Variants in CDK11A observed in about 807,000 individuals in gnomAD.
The protein encoded by CDK11A is cyclin-dependent kinase 11A.
CDK11A carries 55 observed loss-of-function variants against 83.6 expected under a neutral mutation model. The observed-to-expected ratio is 0.66, with a 90% CI of 0.53 to 0.82. CDK11A has a LOEUF of 0.82. Ranked by LOEUF, CDK11A falls within the 40% of genes least tolerant of loss-of-function variation. The pLI is 0.00. For missense variants in CDK11A, 564 were observed against 810.1 expected (o/e 0.70, Z 3.69); for synonymous variants, 247 against 302.7 (o/e 0.82, Z 1.91).
rs1341827705 is a variant in CDK11A at position 1,719,855 on chromosome 1, T to C, written c.228-400A>G. On this transcript the variant is annotated intron_variant, in intron 3 of 19. Transcript: ENST00000404249. ...TGGTCTCAATCTCCTAACCTGGTGA[T>C]CTGCCTGCCTCGGCTTCCCAAAGTG... Among the ~76,000 whole-genome samples the C allele has an allele frequency of 1.3e-5, 2 of 150,844 alleles. 1 individual carries two copies. Among genetic ancestry groups the C allele is most frequent in the Non-Finnish European group, 3.0e-5 (2 of 67,646 alleles).
At chr1:1,707,057 C>T (rs1319647887) in intron 11 of CDK11A, among the ~76,000 whole-genome samples, 1 of 143,224 alleles carries the variant, frequency 7.0e-6, no homozygotes, top group Non-Finnish European at 1.5e-5. Context: ...GCCTTGGTGC[C>T]TACATAACCC....
At chr1:1,720,007 G>A (rs1009989916) in intron 3 of CDK11A, among the ~76,000 whole-genome samples, 2 of 150,860 alleles carry the variant, frequency 1.3e-5, no homozygotes, top group Non-Finnish European at 3.0e-5. Context: ...AGGGGGTGAG[G>A]GGCAGGTTCA....
rs1644954168 is a variant in CDK11A, at chr1:1,722,724, A to C, written c.95T>G (p.Ile32Arg). ...RRKEQEEKAE[I>R]KRLKNSDDRD... The stretch of plus-strand genomic sequence containing the variant: ...ATGGCTTACATTTTTTAAGCGTTTT[A>C]TCTCTGCTTTCTCCTCTTGTTCCTT... The change falls in exon 2 of 20, where the codon ATA (isoleucine) becomes AGA (arginine). Residue 32 changes from isoleucine to arginine, a missense_variant. By Grantham distance (97) the Ile-to-Arg change is moderately conservative. This residue lies in a region of CDK11A where 28 missense variants were observed against 54.8 expected (regional missense o/e 0.51). Transcript: ENST00000404249. The C allele has an allele frequency of 1.9e-6, 3 of 1,544,056 alleles. No homozygotes were observed.
intron 4 of CDK11A, among the ~76,000 whole-genome samples, chr1:1,718,722 C>T (rs1477070709): frequency 6.0e-5 from 9 of 150,136 alleles, no homozygotes; most frequent in Non-Finnish European, 1.2e-4. Context: ...CTGCAAGCTC[C>T]GCCTCCCAGG....
At position 1,703,633 on chromosome 1, in the gene CDK11A, C is replaced by T; in HGVS notation, c.1912-9G>A. 2 of 1,592,592 alleles carry T rather than the reference C, an allele frequency of 1.3e-6. No individual in the cohort carries two copies. The highest frequency in any genetic ancestry group is 1.7e-6 in the Non-Finnish European group (2 of 1,170,680). The stretch of plus-strand genomic sequence containing the variant: ...CTGGGGGTCCCCAGCTCCTGAAAGA[C>T]AGAGGTGCTTCAACAGCCACACCAA... On this transcript the variant is annotated splice_polypyrimidine_tract_variant and intron_variant, in intron 17 of 19. Coordinates refer to ENST00000404249, the MANE Select transcript of CDK11A (RefSeq NM_024011.4).
chr1:1,712,000 G>A (rs1436186211), intron 6 of CDK11A, among the ~76,000 whole-genome samples: 1 of 120,748 alleles, frequency 8.3e-6, no homozygotes, highest in African/African-American at 2.8e-5. Context: ...CATGGTGGCG[G>A]GTGCCTGTAA....
chr1:1,721,789 A>G, intron 2 of CDK11A, 78 bp from the exon 3 acceptor site: 2 of 1,413,972 alleles, frequency 1.4e-6, no homozygotes, highest in Non-Finnish European at 1.9e-6. Flanking sequence ...TTTAATGATA[A>G]TCAAACCTGG....
chr1:1,702,817 G>C lies in CDK11A; in HGVS notation c.*90C>G, dbSNP rs1302231872. On this transcript the variant is annotated 3_prime_UTR_variant, in exon 20 of 20. Coordinates refer to ENST00000404249, the MANE Select transcript of CDK11A (RefSeq NM_024011.4). ...AAACATGGAGCACAAAGTAAGACGA[G>C]GAGTTCCGAGTCTCATCGCAGCTCC... is the stretch of plus-strand genomic sequence containing the variant. The C allele has an allele frequency of 8.6e-4, 342 of 396,452 alleles. 3 individuals carry two copies. The East Asian group carries it at 0.013, about 15-fold the overall frequency. 24.6% of individuals were successfully genotyped at this position (396,452 alleles called of 1,614,324 possible). A position where few individuals can be genotyped will look rare whatever the true frequency, so the allele number is the denominator to read the frequency against.
Position 1,708,207 on chromosome 1 carries a change from G to T in CDK11A, c.1042C>A (p.Arg348=). 2 of 1,558,372 alleles carry T rather than the reference G, an allele frequency of 1.3e-6. No homozygotes were observed. The highest frequency in any genetic ancestry group is 1.1e-5 in the South Asian group (1 of 87,392). ...SEEEMSEDEE[R]ENENHLLVVP... is the part of the protein sequence containing the mutation. Reference sequence around the variant, plus strand: ...ACCAAGAGGTGGTTTTCATTTTCTCGTTCTTCATCTTCACTCATTTCTTCC... The same window carrying T: ...ACCAAGAGGTGGTTTTCATTTTCTCTTTCTTCATCTTCACTCATTTCTTCC... Residue 348 remains arginine (R), a synonymous_variant, in exon 10 of 20, where the codon CGA becomes AGA. Coordinates refer to ENST00000404249, the MANE Select transcript of CDK11A (RefSeq NM_024011.4).
intron 4 of CDK11A, 85 bp from the exon 5 acceptor site, chr1:1,716,563 C>T (rs77107184): frequency 6.9e-7 from 1 of 1,444,584 alleles, no homozygotes; most frequent in African/African-American, 1.4e-5. Flanking sequence ...CCTGTAATCC[C>T]AGCACTTTGG....
At chr1:1,721,492 C>A in intron 3 of CDK11A, 104 bp downstream of exon 3, 1 of 1,343,784 alleles carries the variant, frequency 7.4e-7, no homozygotes, top group Non-Finnish European at 1.0e-6. Context: ...AAGAGTAAAC[C>A]TTAATAGTTA....
At chr1:1,708,284 G>A (rs781456717) in intron 9 of CDK11A, 39 bp from the exon 10 acceptor site, 5 of 1,422,614 alleles carry the variant, frequency 3.5e-6, no homozygotes, top group South Asian at 2.9e-5. Context: ...ACCAGCACCG[G>A]GGCGAGTGCT....
Position 1,702,693 on chromosome 1 carries a change from G to T in CDK11A, c.*214C>A. ...TTTGTGCTGCCCCACGTGGGCACCC[G>T]AAGATGCCCTGGCAAGTCACGGAGA... On this transcript the variant is annotated 3_prime_UTR_variant, in exon 20 of 20. Coordinates refer to ENST00000404249, the MANE Select transcript of CDK11A (RefSeq NM_024011.4). 4.8e-6 allele frequency: 3 copies of T among 621,304 alleles called. No homozygotes were observed. The highest frequency in any genetic ancestry group is 8.6e-6 in the Non-Finnish European group (3 of 350,726). 38.5% of individuals were successfully genotyped at this position (621,304 alleles called of 1,614,324 possible).
chr1:1,721,646 C>A lies in CDK11A; in HGVS notation c.177G>T (p.Glu59Asp). 3 of 1,605,940 alleles carry A rather than the reference C, an allele frequency of 1.9e-6. No individual in the cohort carries two copies. Among genetic ancestry groups the A allele is most frequent in the Non-Finnish European group, 2.6e-6 (3 of 1,173,654 alleles). ...TATACGGGGAGTTCCTTATTGTGAT[C>A]TCCATGCAGTGATCTCTCAGCTCCC... is the stretch of plus-strand genomic sequence containing the variant. ...EEGELRDHCM[E>D]ITIRNSPYRR... The change falls in exon 3 of 20, where the codon GAG becomes GAT. Residue 59 changes from glutamate (E) to aspartate (D), a missense_variant. This residue lies in a region of CDK11A where 151 missense variants were observed against 147.4 expected (regional missense o/e 1.02). Coordinates refer to ENST00000404249, the MANE Select transcript of CDK11A (RefSeq NM_024011.4).
chr1:1,717,826 G>C (rs1275248465), intron 4 of CDK11A, among the ~76,000 whole-genome samples: 2 of 150,346 alleles, frequency 1.3e-5, no homozygotes, highest in Non-Finnish European at 3.0e-5. Context: ...CTTTCAGCTA[G>C]AGTATCCTCT....
chr1:1,710,662 G>A (rs891448847), intron 6 of CDK11A, among the ~76,000 whole-genome samples: 1 of 150,784 alleles, frequency 6.6e-6, no homozygotes, highest in African/African-American at 2.4e-5. Context: ...CCTGACGGTA[G>A]ATGTCCCAGA....
In CDK11A at chr1:1,704,404, TG is replaced by T. The variant is rs923120317; in HGVS notation, c.1565-61del. 2.6e-5 allele frequency: 42 copies of T among 1,594,394 alleles called. 1 individual carries two copies. Among genetic ancestry groups the T allele is most frequent in the African/African-American group, 4.1e-5 (3 of 73,890 alleles). ...CGCCCCAAGCCCAGGGCACTCAGGGTGGCCCGCTCGCCTCGGCAGCAACAGA... is the reference window on the plus strand; with the variant it reads ...CGCCCCAAGCCCAGGGCACTCAGGGTGCCCGCTCGCCTCGGCAGCAACAGA... On this transcript the variant is annotated intron_variant, in intron 14 of 19. Coordinates refer to ENST00000404249, the MANE Select transcript of CDK11A (RefSeq NM_024011.4).
chr1:1,703,948 G>A lies in CDK11A; in HGVS notation c.1795-8C>T, dbSNP rs770447249. 23 of 1,609,258 alleles carry A rather than the reference G, an allele frequency of 1.4e-5. No homozygotes were observed. The highest frequency in any genetic ancestry group is 1.3e-4 in the East Asian group (6 of 44,798). ...CACGGCCGTGGAGTATTCCTAAGAC[G>A]CCAGGAGAGGTGTTCAGGAAGGCCA... On this transcript the variant is annotated splice_polypyrimidine_tract_variant and splice_region_variant and intron_variant, in intron 16 of 19. Transcript: ENST00000404249.
chr1:1,717,854 G>A (rs569818954), intron 4 of CDK11A, among the ~76,000 whole-genome samples: 1 of 149,220 alleles, frequency 6.7e-6, no homozygotes, highest in East Asian at 2.0e-4. Flanking sequence ...CCCTCTGAAC[G>A]GTCTGTGACA....
Sources: allele counts gnomAD v4.1 joint callset (sites outside exome capture counted in the v4.1 genomes callset), GRCh38; gene constraint gnomAD v4.1.1; regional missense constraint gnomAD v4.1.1; transcripts MANE v1.5; gene names NCBI Gene and HGNC (gene_info 2026-07-23, HGNC 2026-07-21).